Variants in RAB11FIP4 observed in about 807,000 individuals in gnomAD.
The protein encoded by RAB11FIP4 is rab11 family-interacting protein 4.
In RAB11FIP4, 23 loss-of-function variants were observed where a neutral mutation model predicts 74.3. The ratio of observed to expected loss-of-function variants is 0.31; its 90% CI spans 0.22 to 0.44. The LOEUF is 0.44. Ranked by LOEUF, RAB11FIP4 falls within the 20% of genes least tolerant of loss-of-function variation. RAB11FIP4 has a pLI of 1.00. For missense variants in RAB11FIP4, 630 were observed against 863.9 expected, an observed-to-expected ratio of 0.73 and a Z score of 3.39; for synonymous variants, 360 against 359.9, an observed-to-expected ratio of 1.00 and a Z score of 0.00.
At chr17:31,520,369 A>G (rs762433674) in intron 4 of RAB11FIP4, among the ~76,000 whole-genome samples, 18 of 152,072 alleles carry the variant, frequency 1.2e-4, no homozygotes, top group Non-Finnish European at 1.8e-4. Context: ...TTTTAGATCC[A>G]TTTATATTCA....
intron 1 of RAB11FIP4, among the ~76,000 whole-genome samples, chr17:31,425,752 G>A (rs910816699): frequency 6.6e-6 from 1 of 152,202 alleles, no homozygotes; most frequent in Non-Finnish European, 1.5e-5. Flanking sequence ...AGCTGCTTCT[G>A]CAATGCCTGC....
At chr17:31,524,373 A>G in intron 9 of RAB11FIP4, 1 of 244,028 alleles carries the variant, frequency 4.1e-6, no homozygotes, top group South Asian at 5.8e-5. Flanking sequence ...GGCGGTGGGA[A>G]GGGTCCAGCA....
At chr17:31,419,581 C>T (rs1441205396) in intron 1 of RAB11FIP4, among the ~76,000 whole-genome samples, 2 of 146,550 alleles carry the variant, frequency 1.4e-5, no homozygotes, top group African/African-American at 5.1e-5. Context: ...GACTGAGTCT[C>T]ACTCTGTCGC....
At chr17:31,473,318 T>TTC (rs2071757787) in intron 3 of RAB11FIP4, among the ~76,000 whole-genome samples, 1 of 151,654 alleles carries the variant, frequency 6.6e-6, no homozygotes, top group African/African-American at 2.4e-5. Flanking sequence ...GGCAGGTGGA[T>TTC]TGCTTGAGGC....
At chr17:31,452,839 G>A (rs567056429) in intron 3 of RAB11FIP4, among the ~76,000 whole-genome samples, 73 of 152,334 alleles carry the variant, frequency 4.8e-4, no homozygotes, top group African/African-American at 1.5e-3. Context: ...ACTTGCTTCT[G>A]GCATTGCTGT....
intron 3 of RAB11FIP4, among the ~76,000 whole-genome samples, chr17:31,480,749 C>T (rs1425142139): frequency 7.1e-6 from 1 of 140,664 alleles, no homozygotes; most frequent in Non-Finnish European, 1.5e-5. Context: ...GATCACGCCA[C>T]TGCACTCCAG....
intron 3 of RAB11FIP4, among the ~76,000 whole-genome samples, chr17:31,514,455 G>A (rs536282883): frequency 2.7e-5 from 4 of 150,524 alleles, no homozygotes; most frequent in Non-Finnish European, 5.9e-5. Flanking sequence ...GAAGGTGGGT[G>A]TTGGGGAAAC....
At chr17:31,509,885 C>T (rs1383893913) in intron 3 of RAB11FIP4, among the ~76,000 whole-genome samples, 2 of 152,148 alleles carry the variant, frequency 1.3e-5, no homozygotes, top group African/African-American at 4.8e-5. Flanking sequence ...TGGGTGGATG[C>T]TTGAACCCCC....
At chr17:31,396,226 T>TGCAGATTTTTGAGGGATGGG (rs2070929670) in intron 1 of RAB11FIP4, among the ~76,000 whole-genome samples, 1 of 140,806 alleles carries the variant, frequency 7.1e-6, no homozygotes, top group African/African-American at 2.6e-5. Flanking sequence ...AAGAAAGAAA[T>TGCAGATTTTTGAGGGATGGG]GCAGATTTTT....
rs762724939 is a variant in RAB11FIP4, at chr17:31,523,897, G to A, written c.1034G>A (p.Ser345Asn). 1 of 1,608,536 alleles carries A rather than the reference G, an allele frequency of 6.2e-7. No individual in the cohort carries two copies. The highest frequency in any genetic ancestry group is 8.5e-7 in the Non-Finnish European group (1 of 1,177,060). The change falls in exon 9 of 15, where the codon AGC becomes AAC. Residue 345 changes from serine to asparagine, a missense_variant. Coordinates refer to ENST00000621161, the MANE Select transcript of RAB11FIP4 (RefSeq NM_032932.6). ...CACCCCGGCCCCCTGCTGCAGGTAA[G>A]CTTCCTGGAAAAGAAGGTGACAGAG... ...SCDNDITEKV[S>N]FLEKKVTELE...
chr17:31,529,111 T>TTTC (rs1555551188), intron 13 of RAB11FIP4, among the ~76,000 whole-genome samples: 8 of 150,320 alleles, frequency 5.3e-5, no homozygotes, highest in Non-Finnish European at 5.9e-5. Flanking sequence ...TTTTTTTTTT[T>TTTC]CCCAAGAGAC....
Position 31,531,690 on chromosome 17 carries a change from C to A in RAB11FIP4, c.1872C>A (p.Ala624=), listed in dbSNP as rs371539724. Residue 624 remains alanine, a synonymous_variant, in exon 15 of 15, where the codon GCC becomes GCA. Transcript: ENST00000621161. ...LRQYMDKIIL[A]ILDHNPSILE... is the part of the protein sequence containing the mutation. ...AGTACATGGACAAGATTATCCTCGC[C>A]ATCCTGGACCACAATCCCTCCATCC... 1.2e-6 allele frequency: 2 copies of A among 1,613,934 alleles called. No homozygotes were observed. Among genetic ancestry groups the A allele is most frequent in the African/African-American group, 2.7e-5 (2 of 74,928 alleles).
At chr17:31,520,290 AG>A (rs1382353739) in intron 4 of RAB11FIP4, among the ~76,000 whole-genome samples, 1 of 152,128 alleles carries the variant, frequency 6.6e-6, no homozygotes, top group Non-Finnish European at 1.5e-5. Context: ...TGGTGTCCAC[AG>A]GGGGTCCTGG....
At chr17:31,492,535 C>T (rs1432557848) in intron 3 of RAB11FIP4, among the ~76,000 whole-genome samples, 1 of 152,112 alleles carries the variant, frequency 6.6e-6, no homozygotes, top group South Asian at 2.1e-4. Flanking sequence ...GGCCTGACCA[C>T]GGTTCCAAGC....
At chr17:31,446,514 G>A (rs1010072652) in intron 3 of RAB11FIP4, among the ~76,000 whole-genome samples, 12 of 152,064 alleles carry the variant, frequency 7.9e-5, no homozygotes, top group Non-Finnish European at 1.6e-4. Flanking sequence ...TGTACACTGG[G>A]TACAGTGTTA....
At chr17:31,411,190 C>A (rs912209177) in intron 1 of RAB11FIP4, among the ~76,000 whole-genome samples, 1 of 152,060 alleles carries the variant, frequency 6.6e-6, no homozygotes, top group East Asian at 1.9e-4. Context: ...GGTGAAACCC[C>A]GTCTCTACTA....
At chr17:31,467,561 A>G (rs553087862) in intron 3 of RAB11FIP4, among the ~76,000 whole-genome samples, 4 of 152,234 alleles carry the variant, frequency 2.6e-5, no homozygotes, top group African/African-American at 9.6e-5. Context: ...GACATGACAG[A>G]AGTCTACATC....
At chr17:31,461,363 C>CTT (rs1277620618) in intron 3 of RAB11FIP4, among the ~76,000 whole-genome samples, 1 of 152,178 alleles carries the variant, frequency 6.6e-6, no homozygotes, top group Non-Finnish European at 1.5e-5. Context: ...ATACCAGGCA[C>CTT]TTACTGAGCA....
At chr17:31,435,076 C>T (rs903525222) in intron 3 of RAB11FIP4, among the ~76,000 whole-genome samples, 3 of 152,186 alleles carry the variant, frequency 2.0e-5, no homozygotes, top group African/African-American at 4.8e-5. Flanking sequence ...ATCTCAGCTA[C>T]TGGGGAGACT....
Sources: gnomAD v4.1 joint callset for allele counts (sites outside exome capture counted in the v4.1 genomes callset) on GRCh38, gnomAD v4.1.1 for gene constraint, MANE v1.5 for transcripts, NCBI Gene and HGNC (gene_info 2026-07-23, HGNC 2026-07-21) for gene names.